SUGCT: variants seen among roughly 807,000 people sequenced by gnomAD.
SUGCT encodes the protein succinyl-CoA:glutarate-CoA transferase, also known as succinyl-CoA:glutarate CoA-transferase.
In SUGCT, 41 loss-of-function variants were observed where a neutral mutation model predicts 55.0. That is an observed-to-expected ratio of 0.74 (90% CI 0.58 to 0.97). The LOEUF (loss-of-function observed/expected upper bound fraction) is 0.97. Among genes scored for constraint, SUGCT ranks in the 50% least tolerant of loss-of-function variants. The pLI, the probability that SUGCT is intolerant of heterozygous loss-of-function variation, is 0.00. For missense variants in SUGCT, 568 were observed against 547.8 expected (o/e 1.04, Z -0.37); for synonymous variants, 187 against 200.4 (o/e 0.93, Z 0.56).
the SUGCT span, among the ~76,000 whole-genome samples, chr7:41,001,760 C>T: frequency 1.3e-5 from 2 of 152,138 alleles, no homozygotes; most frequent in African/African-American, 4.8e-5. Flanking sequence ...CTAACAACTC[C>T]ATCTTCTAAT....
At chr7:40,556,365 ACAGCTCCG>A (rs139851633) in intron 12 of SUGCT, among the ~76,000 whole-genome samples, 6,368 of 152,240 alleles carry the variant, frequency 0.042, 431 homozygotes, top group African/African-American at 0.15. Context: ...TGGACACACT[ACAGCTCCG>A]CAGGATTAGG....
chr7:40,583,142 T>G (rs890316019), intron 12 of SUGCT, among the ~76,000 whole-genome samples: 3 of 152,102 alleles, frequency 2.0e-5, no homozygotes, highest in Non-Finnish European at 2.9e-5. Flanking sequence ...AATCAACAAA[T>G]GAATTGAATG....
At chr7:40,734,005 T>C (rs1203722) in intron 12 of SUGCT, among the ~76,000 whole-genome samples, 14,290 of 152,248 alleles carry the variant, frequency 0.094, 2,240 homozygotes, top group African/African-American at 0.33. Context: ...TTCATATTCT[T>C]GTGGACTTAC....
At chr7:40,349,854 T>C (rs1445156480) in intron 9 of SUGCT, among the ~76,000 whole-genome samples, 1 of 152,168 alleles carries the variant, frequency 6.6e-6, no homozygotes, top group Non-Finnish European at 1.5e-5. Context: ...TTTATTAATA[T>C]TTTTAGTAGA....
At chr7:40,888,351 C>T in the SUGCT span, among the ~76,000 whole-genome samples, 11 of 151,236 alleles carry the variant, frequency 7.3e-5, no homozygotes, top group East Asian at 1.2e-3. Flanking sequence ...ATAGGGAGGC[C>T]GAGGCAGAAG....
At chr7:40,640,180 A>T (rs1159561439) in intron 12 of SUGCT, among the ~76,000 whole-genome samples, 2 of 152,194 alleles carry the variant, frequency 1.3e-5, no homozygotes, top group Non-Finnish European at 2.9e-5. Flanking sequence ...AAACAATGAA[A>T]CTAAAAAAGT....
At chr7:40,537,288 T>C (rs547218993) in intron 12 of SUGCT, among the ~76,000 whole-genome samples, 2 of 152,298 alleles carry the variant, frequency 1.3e-5, no homozygotes, top group South Asian at 4.1e-4. Context: ...GAAAGCTGTG[T>C]TCCCTGTCCC....
At chr7:40,341,409 T>A (rs2151177423) in intron 9 of SUGCT, among the ~76,000 whole-genome samples, 1 of 152,206 alleles carries the variant, frequency 6.6e-6, no homozygotes, top group South Asian at 2.1e-4. Context: ...AGGTAGGTAT[T>A]AATAGAGAAA....
chr7:40,722,589 G>A (rs1029803991), intron 12 of SUGCT, among the ~76,000 whole-genome samples: 1 of 152,122 alleles, frequency 6.6e-6, no homozygotes, highest in Admixed American at 6.5e-5. Flanking sequence ...ATCACATTTG[G>A]CTCAGACAGA....
chr7:40,652,109 G>T (rs1800808321), intron 12 of SUGCT, among the ~76,000 whole-genome samples: 1 of 151,864 alleles, frequency 6.6e-6, no homozygotes, highest in African/African-American at 2.4e-5. Context: ...CTATTTTCTG[G>T]ATGCTATTTC....
chr7:40,189,151 G>A (rs1433759264), intron 4 of SUGCT, among the ~76,000 whole-genome samples: 2 of 152,066 alleles, frequency 1.3e-5, no homozygotes, highest in African/African-American at 4.8e-5. Flanking sequence ...AGACCATCCT[G>A]GCCAATATGG....
intron 7 of SUGCT, among the ~76,000 whole-genome samples, chr7:40,262,596 T>G (rs1791298268): frequency 1.3e-5 from 2 of 148,960 alleles, no homozygotes; most frequent in Admixed American, 6.7e-5. Flanking sequence ...ACCCTGGAGG[T>G]GGACCTTGCA....
intron 9 of SUGCT, among the ~76,000 whole-genome samples, chr7:40,391,579 G>A (rs751102853): frequency 1.0e-4 from 14 of 133,338 alleles, no homozygotes; most frequent in African/African-American, 3.6e-4. Flanking sequence ...CAAAACCACA[G>A]TGAGATACCA....
chr7:40,959,448 G>A, the SUGCT span, among the ~76,000 whole-genome samples: 3 of 152,208 alleles, frequency 2.0e-5, no homozygotes, highest in Non-Finnish European at 4.4e-5. Context: ...TGAACTTCCA[G>A]CCAGCTTTGT....
At chr7:40,837,592 T>G (rs1485987191) in intron 13 of SUGCT, among the ~76,000 whole-genome samples, 2 of 152,136 alleles carry the variant, frequency 1.3e-5, no homozygotes, top group African/African-American at 2.4e-5. Context: ...TTATTATTAT[T>G]ATTATTTTTG....
intron 12 of SUGCT, among the ~76,000 whole-genome samples, chr7:40,730,563 A>G (rs1184483275): frequency 6.6e-6 from 1 of 152,204 alleles, no homozygotes; most frequent in African/African-American, 2.4e-5. Flanking sequence ...AACACTTAAA[A>G]TCTACTCTCC....
chr7:40,659,657 G>A lies in SUGCT; in HGVS notation c.1090-89777G>A, dbSNP rs575900595. ...TATTGCAGGCTGGTTACCACAGTGGGCCTTCAGGTTTCTGAAACTTAACTA... is the reference window on the plus strand; with the variant it reads ...TATTGCAGGCTGGTTACCACAGTGGACCTTCAGGTTTCTGAAACTTAACTA... On this transcript the variant is annotated intron_variant, in intron 12 of 13. Transcript: ENST00000335693. Among the ~76,000 whole-genome samples, 47 of 152,284 alleles carry A rather than the reference G, an allele frequency of 3.1e-4. 1 individual carries two copies. The South Asian group carries it at 8.7e-3, about 28-fold the overall frequency.
At chr7:40,723,559 A>G (rs1299357975) in intron 12 of SUGCT, among the ~76,000 whole-genome samples, 1 of 152,224 alleles carries the variant, frequency 6.6e-6, no homozygotes. Flanking sequence ...AGTTCTCTAA[A>G]GAAGAATGAG....
At chr7:40,473,652 G>T (rs547891457) in intron 11 of SUGCT, among the ~76,000 whole-genome samples, 1 of 152,202 alleles carries the variant, frequency 6.6e-6, no homozygotes, top group African/African-American at 2.4e-5. Context: ...AAAAAAAATG[G>T]TGGCATGATT....
Sources: allele counts gnomAD v4.1 joint callset (sites outside exome capture counted in the v4.1 genomes callset), GRCh38; gene constraint gnomAD v4.1.1; transcripts MANE v1.5; gene names NCBI Gene and HGNC (gene_info 2026-07-23, HGNC 2026-07-21).